ARHGAP10: variants seen among roughly 807,000 people sequenced by gnomAD.
The protein encoded by ARHGAP10 is Rho GTPase activating protein 10, also known as rho GTPase-activating protein 10.
Under a neutral mutation model 108.6 loss-of-function variants are expected in ARHGAP10, and 87 were observed. That is an observed-to-expected ratio of 0.80 (90% confidence interval 0.67 to 0.96). The LOEUF is 0.96. Among genes scored for constraint, ARHGAP10 ranks in the 40% least tolerant of loss-of-function variants. The pLI is 0.00. For missense variants in ARHGAP10, 939 were observed against 954.5 expected, an observed-to-expected ratio of 0.98 and a Z score of 0.21; for synonymous variants, 347 against 341.1, an observed-to-expected ratio of 1.02 and a Z score of -0.19.
intron 10 of ARHGAP10, among the ~76,000 whole-genome samples, chr4:147,887,483 C>A (rs1219381069): frequency 6.6e-6 from 1 of 152,066 alleles, no homozygotes; most frequent in Non-Finnish European, 1.5e-5. Flanking sequence ...ACCAATGAAA[C>A]CACCCTTCCC....
chr4:147,980,990 C>T (rs185733384), intron 18 of ARHGAP10, among the ~76,000 whole-genome samples: 4 of 152,220 alleles, frequency 2.6e-5, no homozygotes, highest in Admixed American at 2.6e-4. Context: ...TCCTATCAAT[C>T]TTGTTTATCC....
At chr4:147,827,667 A>AT (rs1340402108) in intron 3 of ARHGAP10, among the ~76,000 whole-genome samples, 2 of 152,114 alleles carry the variant, frequency 1.3e-5, no homozygotes, top group Admixed American at 6.5e-5. Context: ...TTTTACTTAA[A>AT]TTTTTTTTAA....
At chr4:147,811,691 C>T (rs1362141607) in intron 1 of ARHGAP10, among the ~76,000 whole-genome samples, 1 of 151,742 alleles carries the variant, frequency 6.6e-6, no homozygotes, top group Non-Finnish European at 1.5e-5. Context: ...ATACTTTTCT[C>T]CTGCTTTCAT....
intron 1 of ARHGAP10, among the ~76,000 whole-genome samples, chr4:147,809,685 A>G (rs1244145607): frequency 6.6e-6 from 1 of 152,144 alleles, no homozygotes. Context: ...GGCACCAGGG[A>G]CTGGTTCCAT....
At chr4:147,812,052 G>A (rs1732047159) in intron 1 of ARHGAP10, among the ~76,000 whole-genome samples, 1 of 152,150 alleles carries the variant, frequency 6.6e-6, no homozygotes, top group Admixed American at 6.5e-5. Flanking sequence ...TAGTGGGAAT[G>A]TTTTTCGACT....
At chr4:147,826,940 A>G (rs978358556) in intron 3 of ARHGAP10, among the ~76,000 whole-genome samples, 1 of 152,174 alleles carries the variant, frequency 6.6e-6, no homozygotes, top group Non-Finnish European at 1.5e-5. Flanking sequence ...CAAACATATT[A>G]CATTTGACTG....
At chr4:147,778,520 C>T (rs1459983661) in intron 1 of ARHGAP10, among the ~76,000 whole-genome samples, 1 of 152,186 alleles carries the variant, frequency 6.6e-6, no homozygotes, top group Non-Finnish European at 1.5e-5. Context: ...GGGTCTTTCA[C>T]AGCCCTTTTT....
intron 1 of ARHGAP10, among the ~76,000 whole-genome samples, chr4:147,741,791 C>T (rs1440189482): frequency 5.3e-4 from 9 of 17,122 alleles, no homozygotes; most frequent in Admixed American, 4.9e-3. Context: ...CACACACACA[C>T]GCACACACAC....
At chr4:147,758,047 A>G (rs999986896) in intron 1 of ARHGAP10, among the ~76,000 whole-genome samples, 2 of 152,108 alleles carry the variant, frequency 1.3e-5, no homozygotes, top group African/African-American at 2.4e-5. Context: ...TTCCACCTCT[A>G]TAAAGAATTT....
At chr4:148,069,328 C>A (rs1048717569) in intron 22 of ARHGAP10, among the ~76,000 whole-genome samples, 6 of 152,244 alleles carry the variant, frequency 3.9e-5, no homozygotes, top group Admixed American at 1.3e-4. Flanking sequence ...GTTACAGGAT[C>A]CCCCTTGGTC....
At chr4:147,809,206 C>T (rs544581866) in intron 1 of ARHGAP10, 73 of 152,516 alleles carry the variant, frequency 4.8e-4, no homozygotes, top group African/African-American at 1.7e-3. Flanking sequence ...AAGACCTCGT[C>T]TCTATAAAAA....
intron 7 of ARHGAP10, among the ~76,000 whole-genome samples, chr4:147,873,722 A>ACACACT (rs775092505): frequency 1.0e-4 from 15 of 144,450 alleles, no homozygotes; most frequent in Admixed American, 4.1e-4. Context: ...ACACACACAC[A>ACACACT]CTCTTGGCCT....
intron 20 of ARHGAP10, among the ~76,000 whole-genome samples, chr4:148,051,041 T>C (rs1377540202): frequency 1.3e-5 from 2 of 152,194 alleles, no homozygotes; most frequent in African/African-American, 2.4e-5. Flanking sequence ...AATGCTAAAA[T>C]CTTGTCCACT....
rs144309685 is a variant in ARHGAP10 at position 148,028,830 on chromosome 4, C to A, written c.1867+5417C>A. ...ATCTGGGAGAGATGTTAAAGCAAAT[C>A]GGGGACTTCTCAACTGACTAGATGG... On this transcript the variant is annotated intron_variant, in intron 19 of 22. Coordinates refer to ENST00000336498, the MANE Select transcript of ARHGAP10 (RefSeq NM_024605.4). 5.3e-5 allele frequency among the ~76,000 whole-genome samples: 8 copies of A among 152,234 alleles called. No individual in the cohort carries two copies. In the East Asian group the frequency reaches 1.5e-3, roughly 29 times the overall value.
chr4:147,905,861 A>G (rs537715998), intron 10 of ARHGAP10, among the ~76,000 whole-genome samples: 177 of 152,174 alleles, frequency 1.2e-3, no homozygotes, highest in African/African-American at 4.0e-3. Context: ...CTTCCTATCC[A>G]TGAGCATGGA....
intron 18 of ARHGAP10, among the ~76,000 whole-genome samples, chr4:147,995,874 GC>G (rs1472977422): frequency 6.6e-6 from 1 of 152,080 alleles, no homozygotes; most frequent in Non-Finnish European, 1.5e-5. Context: ...CCGCCACTAC[GC>G]CTGGCTAATT....
chr4:147,994,917 C>G (rs988896027), intron 18 of ARHGAP10, among the ~76,000 whole-genome samples: 1 of 152,186 alleles, frequency 6.6e-6, no homozygotes, highest in South Asian at 2.1e-4. Context: ...CTAATAAGCA[C>G]AGAGTAAGCT....
At chr4:147,919,269 T>A (rs1737127962) in intron 13 of ARHGAP10, among the ~76,000 whole-genome samples, 1 of 152,224 alleles carries the variant, frequency 6.6e-6, no homozygotes, top group African/African-American at 2.4e-5. Flanking sequence ...TTGGTAGGAC[T>A]GGCAGTTACT....
intron 1 of ARHGAP10, among the ~76,000 whole-genome samples, chr4:147,750,856 C>T: frequency 6.6e-6 from 1 of 152,044 alleles, no homozygotes; most frequent in East Asian, 1.9e-4. Flanking sequence ...CTGCCTCAGC[C>T]TCCCAAAGTG....
Sources: allele counts gnomAD v4.1 joint callset (sites outside exome capture counted in the v4.1 genomes callset), GRCh38; gene constraint gnomAD v4.1.1; transcripts MANE v1.5; gene names NCBI Gene and HGNC (gene_info 2026-07-23, HGNC 2026-07-21).